ATXN7L1: variants seen among roughly 807,000 people sequenced by gnomAD.
ATXN7L1 encodes ataxin 7 like 1, also known as ataxin-7-like protein 1.
ATXN7L1 carries 15 observed loss-of-function variants against 70.8 expected under a neutral mutation model. The ratio of observed to expected loss-of-function variants is 0.21; its 90% CI spans 0.14 to 0.33. The LOEUF (loss-of-function observed/expected upper bound fraction) is 0.33. ATXN7L1 is among the 10% of genes least tolerant of loss of function. The pLI is 1.00. For missense variants in ATXN7L1, 975 were observed against 1,097.1 expected (o/e 0.89, Z 1.57); for synonymous variants, 440 against 445.1 (o/e 0.99, Z 0.14).
Position 105,606,666 on chromosome 7 carries a change from T to G in ATXN7L1, c.*1186A>C, listed in dbSNP as rs958201834. 2 of 152,318 alleles carry G rather than the reference T, an allele frequency of 1.3e-5. No homozygotes were observed. Among genetic ancestry groups the G allele is most frequent in the African/African-American group, 4.8e-5 (2 of 41,444 alleles). The allele number at this position is 152,318 out of a possible 1,614,324, so 9.4% of individuals were successfully genotyped here. ...GCTCTTCCAAATGGCTGTTCTTCAC[T>G]GAGCAGTGGCTGTCCTTACCATTCC... On this transcript the variant is annotated 3_prime_UTR_variant, in exon 12 of 12. Coordinates refer to ENST00000419735, the MANE Select transcript of ATXN7L1 (RefSeq NM_020725.2).
intron 3 of ATXN7L1, among the ~76,000 whole-genome samples, chr7:105,763,085 C>T (rs1800757289): frequency 1.3e-5 from 2 of 152,238 alleles, no homozygotes; most frequent in African/African-American, 4.8e-5. Context: ...GATCCCTGGC[C>T]CACAGAAACT....
intron 3 of ATXN7L1, among the ~76,000 whole-genome samples, chr7:105,738,572 G>A (rs1405399019): frequency 1.3e-5 from 2 of 152,298 alleles, no homozygotes; most frequent in African/African-American, 4.8e-5. Context: ...TGTGAATTAT[G>A]TACTATTCTT....
intron 2 of ATXN7L1, among the ~76,000 whole-genome samples, chr7:105,863,741 A>AT (rs1290304861): frequency 6.6e-6 from 1 of 152,194 alleles, no homozygotes; most frequent in Non-Finnish European, 1.5e-5. Flanking sequence ...AATAGGGTTG[A>AT]TAACAGGATT....
chr7:105,874,171 T>C (rs911529871), intron 2 of ATXN7L1, among the ~76,000 whole-genome samples: 45 of 146,092 alleles, frequency 3.1e-4, no homozygotes, highest in African/African-American at 1.1e-3. Flanking sequence ...GCAAAGAGAA[T>C]CTGAGAACAA....
chr7:105,838,849 C>G (rs1303134784), intron 2 of ATXN7L1, among the ~76,000 whole-genome samples: 3 of 152,224 alleles, frequency 2.0e-5, no homozygotes, highest in Non-Finnish European at 4.4e-5. Flanking sequence ...CTTGCCTCAT[C>G]TGAAGAGTTG....
intron 9 of ATXN7L1, among the ~76,000 whole-genome samples, chr7:105,616,804 G>A (rs1044248905): frequency 6.6e-6 from 1 of 152,186 alleles, no homozygotes; most frequent in Non-Finnish European, 1.5e-5. Flanking sequence ...ATTTCTTAGA[G>A]GGGGAGGAAC....
At chr7:105,872,837 C>T (rs1409652332) in intron 2 of ATXN7L1, among the ~76,000 whole-genome samples, 1 of 150,790 alleles carries the variant, frequency 6.6e-6, no homozygotes. Context: ...GTATATTTTA[C>T]CACAAAAAAA....
chr7:105,655,477 G>A (rs1271474605), intron 4 of ATXN7L1, among the ~76,000 whole-genome samples: 1 of 152,200 alleles, frequency 6.6e-6, no homozygotes, highest in Non-Finnish European at 1.5e-5. Flanking sequence ...CAGAGTGAGG[G>A]GCAAGGAGGC....
chr7:105,790,674 ACTATCTATCTAT>A (rs3036755), intron 2 of ATXN7L1, among the ~76,000 whole-genome samples: 27 of 113,310 alleles, frequency 2.4e-4, no homozygotes, highest in South Asian at 9.1e-4. Context: ...CTATCTATCT[ACTATCTATCTAT>A]CTATCTATCT....
chr7:105,847,647 G>C (rs1202127335), intron 2 of ATXN7L1, among the ~76,000 whole-genome samples: 1 of 152,180 alleles, frequency 6.6e-6, no homozygotes, highest in Non-Finnish European at 1.5e-5. Flanking sequence ...AACAGATCCA[G>C]GTTCAAATCC....
At chr7:105,865,135 C>A (rs372274370) in intron 2 of ATXN7L1, among the ~76,000 whole-genome samples, 3 of 152,164 alleles carry the variant, frequency 2.0e-5, no homozygotes, top group Non-Finnish European at 4.4e-5. Flanking sequence ...CCCAAGTGCC[C>A]GGTAAAAACA....
intron 2 of ATXN7L1, among the ~76,000 whole-genome samples, chr7:105,789,921 C>T (rs1179581385): frequency 6.6e-6 from 1 of 151,960 alleles, no homozygotes; most frequent in Non-Finnish European, 1.5e-5. Flanking sequence ...CCCAAACACC[C>T]ACCAATTGAC....
chr7:105,826,806 G>A lies in ATXN7L1; in HGVS notation c.251-38098C>T, dbSNP rs558923214. 1.6e-4 allele frequency among the ~76,000 whole-genome samples: 25 copies of A among 152,336 alleles called. No individual in the cohort carries two copies. The South Asian group carries it at 5.2e-3, about 32-fold the overall frequency. ...CCCATGGTTTTTATACAGGTGAACAGAGAAGTCTGAATGGTAGATGATTTT... is the reference window on the plus strand; with the variant it reads ...CCCATGGTTTTTATACAGGTGAACAAAGAAGTCTGAATGGTAGATGATTTT... On this transcript the variant is annotated intron_variant, in intron 2 of 11. Transcript: ENST00000419735.
intron 4 of ATXN7L1, among the ~76,000 whole-genome samples, chr7:105,645,640 CAAAAAAA>C (rs34135377): frequency 8.1e-6 from 1 of 124,084 alleles, no homozygotes; most frequent in African/African-American, 3.3e-5. Context: ...GCTAAAAATC[CAAAAAAA>C]AAAAAAAAAA....
At position 105,657,982 on chromosome 7, in the gene ATXN7L1, T is replaced by C. The variant is rs371840222; in HGVS notation, c.578+7084A>G. Among the ~76,000 whole-genome samples, 12 of 152,282 alleles carry C rather than the reference T, an allele frequency of 7.9e-5. No individual in the cohort carries two copies. The East Asian group carries it at 1.3e-3, about 17-fold the overall frequency. On this transcript the variant is annotated intron_variant, in intron 4 of 11. Coordinates refer to ENST00000419735, the MANE Select transcript of ATXN7L1 (RefSeq NM_020725.2). ...TGTGCTGTAAGTGTAATAAAACACA[T>C]GCAGGATTTTGAAGACTTATGAAAA...
intron 4 of ATXN7L1, among the ~76,000 whole-genome samples, chr7:105,645,918 A>G (rs1798942520): frequency 6.6e-6 from 1 of 151,840 alleles, no homozygotes; most frequent in South Asian, 2.1e-4. Flanking sequence ...AAGGTGGGAG[A>G]ATCACTTGAA....
At position 105,638,468 on chromosome 7, in the gene ATXN7L1, G is replaced by T; in HGVS notation, c.1087C>A (p.Pro363Thr). The T allele has an allele frequency of 6.4e-7, 1 of 1,552,302 alleles. No homozygotes were observed. The highest frequency in any genetic ancestry group is 1.2e-5 in the South Asian group (1 of 84,058). ...TCCTGTGCCGGCCCGGATTGGCTTG[G>T]AAGTATTTCCCTCGTGGAAGTCAGG... Reference protein sequence around the residue: ...HLLTSTREILPSQSGPAQDSL... With the variant: ...HLLTSTREILTSQSGPAQDSL... Residue 363 changes from proline (P) to threonine (T), a missense_variant, in exon 7 of 12, where the codon CCA becomes ACA. Pro to Thr is a conservative substitution (Grantham distance 38). Around this residue, in one of 5 missense-constraint regions of ATXN7L1, gnomAD observed 635 missense variants for 699.4 expected, o/e 0.91. Transcript: ENST00000419735.
At chr7:105,767,163 AAAGACTGATAC>A (rs1266735695) in intron 3 of ATXN7L1, among the ~76,000 whole-genome samples, 2 of 152,190 alleles carry the variant, frequency 1.3e-5, no homozygotes. Context: ...TGACCCTAGA[AAAGACTGATAC>A]AAGTGAAATA....
chr7:105,848,949 A>G (rs1280934150), intron 2 of ATXN7L1, among the ~76,000 whole-genome samples: 1 of 151,786 alleles, frequency 6.6e-6, no homozygotes, highest in Non-Finnish European at 1.5e-5. Context: ...ATGGCTCTAG[A>G]CTCAGGTCTG....
Sources: gnomAD v4.1 joint callset for allele counts (sites outside exome capture counted in the v4.1 genomes callset) on GRCh38, gnomAD v4.1.1 for gene constraint, gnomAD v4.1.1 regional missense constraint, MANE v1.5 for transcripts, NCBI Gene and HGNC (gene_info 2026-07-23, HGNC 2026-07-21) for gene names.